Variants in FAT4 observed in about 807,000 individuals in gnomAD.
FAT4 encodes protocadherin Fat 4.
In FAT4, 84 loss-of-function variants were observed where a neutral mutation model predicts 303.9. The observed-to-expected ratio is 0.28, with a 90% confidence interval of 0.23 to 0.33. The LOEUF is 0.33. FAT4 is among the 10% of genes least tolerant of loss of function. The probability of loss-of-function intolerance (pLI) is 1.00; values close to 1 mark genes in which losing one functional copy is unlikely to be tolerated. For synonymous variants in FAT4, 2,307 were observed against 2,298.8 expected (o/e 1.00, Z -0.10); for missense variants, 6,005 against 6,146.8 (o/e 0.98, Z 0.77).
intron 2 of FAT4, among the ~76,000 whole-genome samples, chr4:125,367,330 A>G (rs913813834): frequency 1.3e-5 from 2 of 152,146 alleles, no homozygotes; most frequent in Non-Finnish European, 2.9e-5. Flanking sequence ...TAATATTTAT[A>G]AACATTCTAT....
At chr4:125,394,401 A>G (rs935972623) in intron 2 of FAT4, among the ~76,000 whole-genome samples, 2 of 152,208 alleles carry the variant, frequency 1.3e-5, no homozygotes, top group Non-Finnish European at 2.9e-5. Flanking sequence ...AAGAGGGGCA[A>G]TGCTGGCACT....
intron 2 of FAT4, among the ~76,000 whole-genome samples, chr4:125,380,617 A>G (rs1355650812): frequency 6.6e-6 from 1 of 152,208 alleles, no homozygotes; most frequent in African/African-American, 2.4e-5. Context: ...TGAAAAAACA[A>G]TCACAGGTTT....
At chr4:125,386,507 T>G (rs763725838) in intron 2 of FAT4, among the ~76,000 whole-genome samples, 1 of 152,132 alleles carries the variant, frequency 6.6e-6, no homozygotes, top group South Asian at 2.1e-4. Context: ...TGACCTCAAG[T>G]AATCCACCTA....
intron 10 of FAT4, among the ~76,000 whole-genome samples, chr4:125,458,538 A>G (rs950760037): frequency 2.6e-5 from 4 of 151,960 alleles, no homozygotes; most frequent in Admixed American, 1.3e-4. Flanking sequence ...AAGAGACAAT[A>G]AAGAGTGCAA....
At chr4:125,342,771 A>G (rs1476087131) in intron 2 of FAT4, among the ~76,000 whole-genome samples, 1 of 151,860 alleles carries the variant, frequency 6.6e-6, no homozygotes, top group Non-Finnish European at 1.5e-5. Flanking sequence ...ATATTACTTT[A>G]TAGCTAAGAA....
chr4:125,408,414 T>G, intron 4 of FAT4, 30 bp from the exon 5 acceptor site: 2 of 1,417,730 alleles, frequency 1.4e-6, no homozygotes, highest in South Asian at 1.4e-5. Flanking sequence ...ACTTCCTTGA[T>G]TTTATACTAT....
intron 2 of FAT4, among the ~76,000 whole-genome samples, chr4:125,357,038 CT>C (rs1355617787): frequency 6.6e-6 from 1 of 151,922 alleles, no homozygotes; most frequent in Non-Finnish European, 1.5e-5. Context: ...CCATTATGTG[CT>C]TTTATACAAA....
rs1275499276 is a variant in FAT4 at position 125,416,437 on chromosome 4, C to G, written c.6844-11C>G. On this transcript the variant is annotated splice_polypyrimidine_tract_variant and intron_variant, in intron 6 of 17. Transcript: ENST00000394329. Reference sequence around the variant, plus strand: ...TGTTTTACTCACATCTTGGTATGTACTGTTCTACAGGTGGTGGCAAGAGAT... The same window carrying G: ...TGTTTTACTCACATCTTGGTATGTAGTGTTCTACAGGTGGTGGCAAGAGAT... The G allele has an allele frequency of 6.2e-7, 1 of 1,610,196 alleles. No homozygotes were observed. The highest frequency in any genetic ancestry group is 8.5e-7 in the Non-Finnish European group (1 of 1,177,904).
At chr4:125,475,942 C>A (rs767561849) in intron 12 of FAT4, among the ~76,000 whole-genome samples, 1 of 151,898 alleles carries the variant, frequency 6.6e-6, no homozygotes, top group Non-Finnish European at 1.5e-5. Flanking sequence ...TTTAAAGGTA[C>A]CCTTTTACCT....
At chr4:125,381,796 G>A (rs1189319956) in intron 2 of FAT4, among the ~76,000 whole-genome samples, 1 of 152,170 alleles carries the variant, frequency 6.6e-6, no homozygotes, top group Non-Finnish European at 1.5e-5. Context: ...ATAGTAGAAT[G>A]TCATTCAAAA....
chr4:125,319,483 T>C lies in FAT4; in HGVS notation c.3072T>C (p.Asp1024=). The C allele has an allele frequency of 6.2e-7, 1 of 1,613,346 alleles. No homozygotes were observed. Among genetic ancestry groups the C allele is most frequent in the Non-Finnish European group, 8.5e-7 (1 of 1,179,298 alleles). The change falls in exon 2 of 18, where the codon GAT becomes GAC. Residue 1024 remains aspartate, a synonymous_variant. Coordinates refer to ENST00000394329, the MANE Select transcript of FAT4 (RefSeq NM_001291303.3). The part of the protein sequence containing the change: ...RFFKVQASDK[D]SGANGEIAYT... ...TTAAAGTACAAGCTTCTGATAAGGA[T>C]TCAGGAGCAAATGGTGAAATTGCAT... is the stretch of plus-strand genomic sequence containing the variant.
chr4:125,446,770 GTAT>G (rs1334053859), intron 9 of FAT4, among the ~76,000 whole-genome samples: 9 of 151,732 alleles, frequency 5.9e-5, no homozygotes, highest in Non-Finnish European at 8.8e-5. Context: ...TAATTGTTAT[GTAT>G]TATTATTTCT....
At chr4:125,411,115 T>C (rs1214212955) in intron 5 of FAT4, among the ~76,000 whole-genome samples, 2 of 152,018 alleles carry the variant, frequency 1.3e-5, no homozygotes, top group African/African-American at 4.8e-5. Flanking sequence ...CAATCACTGA[T>C]CAGAAGGTTC....
chr4:125,439,528 A>G (rs571365877), intron 8 of FAT4, among the ~76,000 whole-genome samples: 192 of 150,302 alleles, frequency 1.3e-3, no homozygotes, highest in African/African-American at 4.4e-3. Flanking sequence ...TTTAGTAGAG[A>G]TGGGGTTTCA....
At chr4:125,467,210 T>C (rs1726697309) in intron 11 of FAT4, among the ~76,000 whole-genome samples, 1 of 152,160 alleles carries the variant, frequency 6.6e-6, no homozygotes, top group Admixed American at 6.5e-5. Context: ...TGATATAACA[T>C]GTGGTAGTCA....
At chr4:125,346,331 TTGG>T (rs1732001910) in intron 2 of FAT4, among the ~76,000 whole-genome samples, 1 of 152,028 alleles carries the variant, frequency 6.6e-6, no homozygotes, top group Non-Finnish European at 1.5e-5. Flanking sequence ...ACAGTAAGCT[TTGG>T]GAAATAGAGA....
chr4:125,333,611 G>GA (rs1240066188), intron 2 of FAT4, among the ~76,000 whole-genome samples: 1 of 152,046 alleles, frequency 6.6e-6, no homozygotes, highest in African/African-American at 2.4e-5. Flanking sequence ...CACATCACAG[G>GA]AAAAATCTAA....
chr4:125,399,143 A>G (rs878994425), intron 3 of FAT4, among the ~76,000 whole-genome samples: 3 of 152,090 alleles, frequency 2.0e-5, no homozygotes, highest in Admixed American at 2.0e-4. Context: ...TGCTGCTTGC[A>G]CTTTAGGTTA....
At chr4:125,483,445 A>G (rs1164807927) in intron 16 of FAT4, among the ~76,000 whole-genome samples, 3 of 152,208 alleles carry the variant, frequency 2.0e-5, no homozygotes, top group Admixed American at 6.5e-5. Flanking sequence ...ACTAACGTAC[A>G]CTTAAAGCCA....
Sources: allele counts gnomAD v4.1 joint callset (sites outside exome capture counted in the v4.1 genomes callset), GRCh38; gene constraint gnomAD v4.1.1; transcripts MANE v1.5; gene names NCBI Gene and HGNC (gene_info 2026-07-23, HGNC 2026-07-21).